The following MYO1H variants were observed in gnomAD, a reference collection of about 807,000 sequenced individuals.
MYO1H encodes the protein unconventional myosin-Ih.
In MYO1H, 118 loss-of-function variants were observed where a neutral mutation model predicts 149.3. That is an observed-to-expected ratio of 0.79 (90% CI 0.68 to 0.92). The LOEUF (loss-of-function observed/expected upper bound fraction) is 0.92. MYO1H is among the 40% of genes least tolerant of loss of function. The probability of loss-of-function intolerance (pLI) is 0.00; values close to 1 mark genes in which losing one functional copy is unlikely to be tolerated. For synonymous variants in MYO1H, 447 were observed against 465.2 expected (o/e 0.96, Z 0.50); for missense variants, 1,212 against 1,280.7 (o/e 0.95, Z 0.82).
chr12:109,311,042 T>G, the MYO1H span, among the ~76,000 whole-genome samples: 1 of 152,268 alleles, frequency 6.6e-6, no homozygotes, highest in South Asian at 2.1e-4. Context: ...CTGTTAATCC[T>G]TCTTGGAGTT....
chr12:109,447,179 C>G, exon 32 of MYO1H: 2 of 1,598,220 alleles, frequency 1.3e-6, no homozygotes, highest in Non-Finnish European at 1.7e-6. Flanking sequence ...GGAGGAAGTC[C>G]TGATAGAGGA....
chr12:109,318,974 T>TTTTTTG, the MYO1H span, among the ~76,000 whole-genome samples: 18 of 83,436 alleles, frequency 2.2e-4, 1 homozygote, highest in African/African-American at 9.5e-4. Flanking sequence ...TTGGTTTTGT[T>TTTTTTG]TTTTTTTTTT....
chr12:109,381,719 G>C (rs994100711), intron 1 of MYO1H, among the ~76,000 whole-genome samples: 4 of 152,104 alleles, frequency 2.6e-5, no homozygotes, highest in Admixed American at 2.0e-4. Flanking sequence ...TATGATCCCA[G>C]CTACTCTGAG....
chr12:109,396,814 GTTTTTTTTTT>G (rs60551691), intron 4 of MYO1H, among the ~76,000 whole-genome samples: 4 of 51,088 alleles, frequency 7.8e-5, no homozygotes, highest in Non-Finnish European at 1.6e-4. Context: ...TTTTGGTTTC[GTTTTTTTTTT>G]TTTTTTTTTT....
chr12:109,384,123 C>T (rs920911046), intron 1 of MYO1H, among the ~76,000 whole-genome samples: 2 of 152,164 alleles, frequency 1.3e-5, no homozygotes, highest in African/African-American at 4.8e-5. Context: ...ATATTTGTGC[C>T]TGATGTCAAC....
chr12:109,439,837 T>C, intron 24 of MYO1H, 47 bp downstream of exon 24: 1 of 1,550,734 alleles, frequency 6.4e-7, no homozygotes, highest in East Asian at 2.3e-5. Context: ...GCACGGGCAC[T>C]GACGAAGCTT....
At chr12:109,446,466 A>G in intron 31 of MYO1H, 2 of 985,436 alleles carry the variant, frequency 2.0e-6, no homozygotes, top group Non-Finnish European at 2.4e-6. Flanking sequence ...GGATTTACCT[A>G]TAAAGTCATT....
the MYO1H span, among the ~76,000 whole-genome samples, chr12:109,327,711 A>G: frequency 2.9e-5 from 4 of 136,502 alleles, no homozygotes; most frequent in Non-Finnish European, 6.1e-5. Context: ...GTGCCACTGC[A>G]TTCCAGCCTG....
At chr12:109,404,311 G>C (rs147842302) in intron 7 of MYO1H, among the ~76,000 whole-genome samples, 5,742 of 152,054 alleles carry the variant, frequency 0.038, 133 homozygotes, top group Middle Eastern at 0.065. Context: ...AACCCTGTCT[G>C]TACTAAAAAA....
chr12:109,352,431 T>C (rs1302508083), intron 1 of MYO1H, among the ~76,000 whole-genome samples: 2 of 152,178 alleles, frequency 1.3e-5, no homozygotes, highest in African/African-American at 4.8e-5. Flanking sequence ...TAGAAACATA[T>C]GGGGCTATTT....
the MYO1H span, among the ~76,000 whole-genome samples, chr12:109,340,253 T>A: frequency 6.2e-4 from 95 of 152,280 alleles, no homozygotes; most frequent in African/African-American, 2.2e-3. Context: ...GATTCTCAGC[T>A]CACTGCAACC....
At position 109,415,628 on chromosome 12, in the gene MYO1H, G is replaced by A; in HGVS notation, c.1597+8G>A. 1.3e-6 allele frequency: 2 copies of A among 1,583,974 alleles called. No individual in the cohort carries two copies. The highest frequency in any genetic ancestry group is 8.6e-7 in the Non-Finnish European group (1 of 1,164,400). On this transcript the variant is annotated splice_region_variant and intron_variant, in intron 15 of 31. Transcript: ENST00000310903. Reference sequence around the variant, plus strand: ...TCACATACTGCACCAAGGGTGAGTGGCCGTGGGGTACAGGTGACAGCCATG... The same window carrying A: ...TCACATACTGCACCAAGGGTGAGTGACCGTGGGGTACAGGTGACAGCCATG...
chr12:109,318,972 GTTTT>G, the MYO1H span, among the ~76,000 whole-genome samples: 916 of 77,202 alleles, frequency 0.012, 23 homozygotes, highest in African/African-American at 0.04. Flanking sequence ...TTTTGGTTTT[GTTTT>G]TTTTTTTTTT....
At chr12:109,411,916 G>A in exon 14 of MYO1H, 1 of 1,606,582 alleles carries the variant, frequency 6.2e-7, no homozygotes, top group Non-Finnish European at 8.5e-7. Flanking sequence ...ATTCGGCCTG[G>A]TCCTGCTACA....
chr12:109,441,266 C>T (rs576327364), intron 25 of MYO1H, among the ~76,000 whole-genome samples: 13 of 152,326 alleles, frequency 8.5e-5, no homozygotes, highest in African/African-American at 3.1e-4. Flanking sequence ...AATGGCATGG[C>T]TCTGTCCCAA....
chr12:109,435,029 A>C lies in MYO1H; in HGVS notation c.2064-8A>C. 6.3e-7 allele frequency: 1 copy of C among 1,595,694 alleles called. No individual in the cohort carries two copies. The highest frequency in any genetic ancestry group is 8.5e-7 in the Non-Finnish European group (1 of 1,171,200). ...ATTAATAACAAAAACATTTCTTTTC[A>C]CTTCTAGAACCAAAATATTCATTCG... On this transcript the variant is annotated splice_polypyrimidine_tract_variant and splice_region_variant and intron_variant, in intron 20 of 31. Coordinates refer to ENST00000310903, the Ensembl canonical transcript of MYO1H.
the MYO1H span, among the ~76,000 whole-genome samples, chr12:109,334,931 C>T: frequency 1.1e-4 from 16 of 152,274 alleles, no homozygotes; most frequent in African/African-American, 3.9e-4. Flanking sequence ...TACCCATTAG[C>T]AGTCTCTCCC....
Position 109,404,207 on chromosome 12 carries a change from G to T in MYO1H, c.849+127G>T, listed in dbSNP as rs140661367. On this transcript the variant is annotated intron_variant, in intron 7 of 31. Transcript: ENST00000310903. ...AAAATACAGGATGCAGCTGGGTGTG[G>T]TGGCGCACACCTGTAATTCCAGCAT... 8.4e-5 allele frequency: 59 copies of T among 703,556 alleles called. 1 individual carries two copies. The African/African-American group carries it at 9.9e-4, about 12-fold the overall frequency. 43.6% of individuals were successfully genotyped at this position (703,556 alleles called of 1,614,324 possible).
chr12:109,388,405 T>C (rs1003239832), intron 1 of MYO1H, among the ~76,000 whole-genome samples: 1 of 152,176 alleles, frequency 6.6e-6, no homozygotes, highest in Non-Finnish European at 1.5e-5. Flanking sequence ...TAGTATTTCA[T>C]AGGGTCAGAA....
Sources: allele counts gnomAD v4.1 joint callset (sites outside exome capture counted in the v4.1 genomes callset), GRCh38; gene constraint gnomAD v4.1.1; transcripts MANE v1.5; gene names NCBI Gene and HGNC (gene_info 2026-07-23, HGNC 2026-07-21).